The following ABHD8 variants were observed in gnomAD, a reference collection of about 807,000 sequenced individuals.
ABHD8 encodes the protein abhydrolase domain containing 8, also known as protein ABHD8.
Under a neutral mutation model 29.3 loss-of-function variants are expected in ABHD8, and 10 were observed. That is an observed-to-expected ratio of 0.34 (90% CI 0.21 to 0.58). The LOEUF (loss-of-function observed/expected upper bound fraction) is 0.58, where lower values mean the gene tolerates loss of function less well. Among genes scored for constraint, ABHD8 ranks in the 20% least tolerant of loss-of-function variants. The probability of loss-of-function intolerance (pLI) is 0.85; values close to 1 mark genes in which losing one functional copy is unlikely to be tolerated. For missense variants in ABHD8, 556 were observed against 615.3 expected, an observed-to-expected ratio of 0.90 and a Z score of 1.02; for synonymous variants, 282 against 274.6, an observed-to-expected ratio of 1.03 and a Z score of -0.27.
At position 17,294,444 on chromosome 19, in the gene ABHD8, G is replaced by A; in HGVS notation, c.993C>T (p.Phe331=). The change falls in exon 4 of 5, where the codon TTC becomes TTT. Residue 331 remains phenylalanine (F), a synonymous_variant. Coordinates refer to ENST00000247706, the MANE Select transcript of ABHD8 (RefSeq NM_024527.5). ...EKQLLKEGNA[F]NVSSFVLRAM... ...CCCGGAGTACGAAGGATGACACGTTGAAAGCGTTGCCCTCCTTTAACAGCT... is the reference window on the plus strand; with the variant it reads ...CCCGGAGTACGAAGGATGACACGTTAAAAGCGTTGCCCTCCTTTAACAGCT... 6.2e-7 allele frequency: 1 copy of A among 1,614,172 alleles called. No individual in the cohort carries two copies. Among genetic ancestry groups the A allele is most frequent in the Non-Finnish European group, 8.5e-7 (1 of 1,180,016 alleles).
At position 17,294,859 on chromosome 19, in the gene ABHD8, G is replaced by A; in HGVS notation, c.762-14C>T. 2 of 1,611,552 alleles carry A rather than the reference G, an allele frequency of 1.2e-6. No individual in the cohort carries two copies. Among genetic ancestry groups the A allele is most frequent in the Non-Finnish European group, 1.7e-6 (2 of 1,177,916 alleles). Reference sequence around the variant, plus strand: ...CAGAAAGAGACACTGCCCGGAACGGGTGGGGTGATAGGAGGATTGAAGGGA... The same window carrying A: ...CAGAAAGAGACACTGCCCGGAACGGATGGGGTGATAGGAGGATTGAAGGGA... On this transcript the variant is annotated splice_polypyrimidine_tract_variant and intron_variant, in intron 2 of 4. Transcript: ENST00000247706.
Position 17,301,404 on chromosome 19 carries a change from G to T in ABHD8, c.213C>A (p.Asp71Glu). The T allele has an allele frequency of 6.2e-7, 1 of 1,612,032 alleles. No individual in the cohort carries two copies. Among genetic ancestry groups the T allele is most frequent in the Non-Finnish European group, 8.5e-7 (1 of 1,179,904 alleles). The part of the protein sequence containing the change: ...SSASSDAAQG[D>E]LSGLVRCQRR... Reference sequence around the variant, plus strand: ...GCTGACAGCGGACCAAGCCGGAGAGGTCCCCCTGGGCTGCATCCGAGGATG... The same window carrying T: ...GCTGACAGCGGACCAAGCCGGAGAGTTCCCCCTGGGCTGCATCCGAGGATG... Residue 71 changes from aspartate to glutamate, a missense_variant, in exon 2 of 5, where the codon GAC becomes GAA. Asp to Glu is a conservative substitution (Grantham distance 45). This residue lies in a region of ABHD8 where 286 missense variants were observed against 261.4 expected (regional missense o/e 1.09). Coordinates refer to ENST00000247706, the MANE Select transcript of ABHD8 (RefSeq NM_024527.5).
Position 17,292,642 on chromosome 19 carries a change from T to A in ABHD8, c.*19A>T. On this transcript the variant is annotated 3_prime_UTR_variant, in exon 5 of 5. Transcript: ENST00000247706. ...TGCTGCGGCTGTGCTCACCAAGCGA[T>A]GCCCCGCCGGCCCAGCGGCTACTTC... 1 of 1,598,134 alleles carries A rather than the reference T, an allele frequency of 6.3e-7. No individual in the cohort carries two copies. Among genetic ancestry groups the A allele is most frequent in the Non-Finnish European group, 8.5e-7 (1 of 1,172,890 alleles).
intron 2 of ABHD8, among the ~76,000 whole-genome samples, chr19:17,300,453 C>T (rs568219953): frequency 6.6e-6 from 1 of 152,066 alleles, no homozygotes; most frequent in Admixed American, 6.5e-5. Context: ...GATATCCTCC[C>T]GCCTTGGCCC....
intron 2 of ABHD8, among the ~76,000 whole-genome samples, chr19:17,295,559 A>T (rs1322850830): frequency 1.3e-5 from 2 of 151,920 alleles, no homozygotes; most frequent in African/African-American, 4.8e-5. Flanking sequence ...GGCATGCACC[A>T]CCACACCTGG....
At position 17,294,862 on chromosome 19, in the gene ABHD8, G is replaced by A; in HGVS notation, c.762-17C>T. 1.2e-6 allele frequency: 2 copies of A among 1,609,790 alleles called. No homozygotes were observed. The highest frequency in any genetic ancestry group is 2.7e-5 in the African/African-American group (2 of 74,998). On this transcript the variant is annotated splice_polypyrimidine_tract_variant and intron_variant, in intron 2 of 4. Coordinates refer to ENST00000247706, the MANE Select transcript of ABHD8 (RefSeq NM_024527.5). ...AAAGAGACACTGCCCGGAACGGGTG[G>A]GGTGATAGGAGGATTGAAGGGAGGC... is the stretch of plus-strand genomic sequence containing the variant.
At chr19:17,293,551 C>T (rs1016426582) in intron 4 of ABHD8, among the ~76,000 whole-genome samples, 1 of 152,016 alleles carries the variant, frequency 6.6e-6, no homozygotes, top group African/African-American at 2.4e-5. Context: ...CCCTGGCCTC[C>T]ACCCACTAGA....
Position 17,301,309 on chromosome 19 carries a change from A to C in ABHD8, c.308T>G (p.Leu103Arg). The change falls in exon 2 of 5, where the codon CTC becomes CGC. Residue 103 changes from leucine (L) to arginine (R), a missense_variant. By Grantham distance (102) the Leu-to-Arg change is moderately radical. Around this residue, in one of 2 missense-constraint regions of ABHD8, gnomAD observed 286 missense variants for 261.4 expected, o/e 1.09. Coordinates refer to ENST00000247706, the MANE Select transcript of ABHD8 (RefSeq NM_024527.5). ...CCCAGAGCCATTCTGCCCGTGTAGG[A>C]GGTCGGCTCGAGGGGCTCGGCCCAG... ...ENLGRAPRAD[L>R]LHGQNGSGEP... The C allele has an allele frequency of 6.2e-7, 1 of 1,607,552 alleles. No homozygotes were observed. The highest frequency in any genetic ancestry group is 8.5e-7 in the Non-Finnish European group (1 of 1,179,796).
At chr19:17,300,238 C>T (rs1295417852) in intron 2 of ABHD8, among the ~76,000 whole-genome samples, 2 of 150,898 alleles carry the variant, frequency 1.3e-5, no homozygotes, top group East Asian at 3.9e-4. Context: ...CAGGTTCTTG[C>T]CATGCTGCCC....
In ABHD8 at chr19:17,292,704, G is replaced by A; in HGVS notation, c.1277C>T (p.Ala426Val). ...LLWEPEPSPK[A>V]LPEPLPAPPE... is the part of the protein sequence containing the mutation. ...AGGCGCCGGCAGTGGCTCCGGTAGA[G>A]CCTTGGGCGAGGGCTCGGGCTCCCA... is the stretch of plus-strand genomic sequence containing the variant. The change falls in exon 5 of 5, where the codon GCT (alanine) becomes GTT (valine). Residue 426 changes from alanine to valine, a missense_variant. This residue lies in a region of ABHD8 where 270 missense variants were observed against 353.9 expected (regional missense o/e 0.76). Coordinates refer to ENST00000247706, the MANE Select transcript of ABHD8 (RefSeq NM_024527.5). 1.2e-6 allele frequency: 2 copies of A among 1,613,144 alleles called. No individual in the cohort carries two copies. The highest frequency in any genetic ancestry group is 4.5e-5 in the East Asian group (2 of 44,844).
chr19:17,292,902 C>A, intron 4 of ABHD8, 71 bp from the exon 5 acceptor site: 1 of 1,506,926 alleles, frequency 6.6e-7, no homozygotes, highest in South Asian at 1.2e-5. Flanking sequence ...CCCTGGGACT[C>A]CGCCATACAC....
intron 2 of ABHD8, chr19:17,298,125 A>C (rs955325678): frequency 6.6e-6 from 1 of 151,354 alleles, no homozygotes; most frequent in Admixed American, 6.6e-5. Context: ...TCACCGTGTT[A>C]GCCAGGATGG....
At chr19:17,298,797 G>C (rs2074104265) in intron 2 of ABHD8, among the ~76,000 whole-genome samples, 1 of 130,636 alleles carries the variant, frequency 7.7e-6, no homozygotes, top group African/African-American at 2.9e-5. Flanking sequence ...CTGGAGTGCA[G>C]TGGTGTGATC....
At chr19:17,300,830 C>T (rs2074113943) in intron 2 of ABHD8, 26 bp downstream of exon 2, 4 of 1,561,716 alleles carry the variant, frequency 2.6e-6, no homozygotes, top group East Asian at 4.5e-5. Flanking sequence ...CCCTCACCCC[C>T]ACCCCACATG....
intron 4 of ABHD8, among the ~76,000 whole-genome samples, chr19:17,293,262 A>AT (rs963643241): frequency 7.3e-5 from 11 of 151,466 alleles, no homozygotes; most frequent in African/African-American, 2.4e-4. Context: ...CACCCGGCTA[A>AT]TTTTTTGTAT....
intron 2 of ABHD8, chr19:17,297,911 TTTTTTC>T (rs1474409076): frequency 2.7e-5 from 3 of 109,590 alleles, no homozygotes; most frequent in South Asian, 5.0e-4. Flanking sequence ...TTTATTTTTC[TTTTTTC>T]TTTTTTTTTT....
chr19:17,301,607 C>G lies in ABHD8; in HGVS notation c.10G>C (p.Gly4Arg), dbSNP rs919856528. 2.6e-6 allele frequency: 4 copies of G among 1,551,294 alleles called. No homozygotes were observed. The highest frequency in any genetic ancestry group is 1.8e-5 in the Admixed American group (1 of 56,834). The stretch of plus-strand genomic sequence containing the variant: ...CAACAGAAGATACCGTCGGTCACCC[C>G]GGTCAGCATGGTGTGTCCTGTGAGT... MLT[G>R]VTDGIFCCLL... Residue 4 changes from glycine (G) to arginine (R), a missense_variant, in exon 2 of 5, where the codon GGG (glycine) becomes CGG (arginine). Gly to Arg is a moderately radical substitution (Grantham distance 125). Coordinates refer to ENST00000247706, the MANE Select transcript of ABHD8 (RefSeq NM_024527.5).
In ABHD8 at chr19:17,301,430, C is replaced by A. The variant is rs374386420; in HGVS notation, c.187G>T (p.Ala63Ser). The stretch of plus-strand genomic sequence containing the variant: ...TCCCCCTGGGCTGCATCCGAGGATG[C>A]GGATGATGGTGGAGGTGGGGCAGCG... ...PAAAPPPPSS[A>S]SSDAAQGDLS... The change falls in exon 2 of 5, where the codon GCA becomes TCA. Residue 63 changes from alanine to serine, a missense_variant. Coordinates refer to ENST00000247706, the MANE Select transcript of ABHD8 (RefSeq NM_024527.5). 1.2e-6 allele frequency: 2 copies of A among 1,611,866 alleles called. No individual in the cohort carries two copies. Among genetic ancestry groups the A allele is most frequent in the Non-Finnish European group, 1.7e-6 (2 of 1,179,820 alleles).
intron 4 of ABHD8, among the ~76,000 whole-genome samples, chr19:17,294,023 C>A (rs8113627): frequency 0.015 from 2,344 of 152,204 alleles, 58 homozygotes; most frequent in African/African-American, 0.054. Context: ...CTTCTTACAG[C>A]GGTGGGGACA....
Sources: gnomAD v4.1 joint callset for allele counts (sites outside exome capture counted in the v4.1 genomes callset) on GRCh38, gnomAD v4.1.1 for gene constraint, gnomAD v4.1.1 regional missense constraint, MANE v1.5 for transcripts, NCBI Gene and HGNC (gene_info 2026-07-23, HGNC 2026-07-21) for gene names.